TMC1: variants seen among roughly 807,000 people sequenced by gnomAD.
TMC1 encodes transmembrane channel-like protein 1.
TMC1 carries 84 observed loss-of-function variants against 105.8 expected under a neutral mutation model. The ratio of observed to expected loss-of-function variants is 0.79; its 90% CI spans 0.67 to 0.95. The LOEUF is 0.95. TMC1 is among the 40% of genes least tolerant of loss of function. TMC1 has a pLI of 0.00. For synonymous variants in TMC1, 315 were observed against 311.5 expected, an observed-to-expected ratio of 1.01 and a Z score of -0.12; for missense variants, 817 against 914.1, an observed-to-expected ratio of 0.89 and a Z score of 1.37.
At chr9:72,638,860 C>T (rs1356993968) in intron 4 of TMC1, among the ~76,000 whole-genome samples, 1 of 152,070 alleles carries the variant, frequency 6.6e-6, no homozygotes, top group Non-Finnish European at 1.5e-5. Flanking sequence ...CTCTTAATTC[C>T]TTCTCACTCC....
chr9:72,619,301 A>T (rs761125851), intron 3 of TMC1, among the ~76,000 whole-genome samples: 1 of 152,238 alleles, frequency 6.6e-6, no homozygotes, highest in Non-Finnish European at 1.5e-5. Flanking sequence ...AATATTAGAC[A>T]CAACTTAAAT....
At chr9:72,778,718 A>T (rs979843429) in intron 13 of TMC1, among the ~76,000 whole-genome samples, 1 of 152,222 alleles carries the variant, frequency 6.6e-6, no homozygotes, top group Admixed American at 6.5e-5. Context: ...GAATGAGGCC[A>T]TTCTGATCTG....
At chr9:72,628,225 G>A in intron 4 of TMC1, 162 bp downstream of exon 4, 2 of 338,622 alleles carry the variant, frequency 5.9e-6, no homozygotes, top group Non-Finnish European at 1.2e-5. Context: ...GCTGTCACTT[G>A]AAGGGAAAAC....
At chr9:72,803,379 A>C (rs1828512509) in intron 17 of TMC1, among the ~76,000 whole-genome samples, 1 of 152,214 alleles carries the variant, frequency 6.6e-6, no homozygotes, top group South Asian at 2.1e-4. Context: ...AAAATTGACA[A>C]ATGGGAACTA....
chr9:72,525,272 G>T (rs534021554), intron 1 of TMC1, among the ~76,000 whole-genome samples: 1 of 152,136 alleles, frequency 6.6e-6, no homozygotes, highest in Admixed American at 6.5e-5. Context: ...CCTATTCCTT[G>T]TAAGTAGGAC....
chr9:72,753,772 A>G (rs1298175532), intron 11 of TMC1, among the ~76,000 whole-genome samples: 4 of 152,178 alleles, frequency 2.6e-5, no homozygotes, highest in Admixed American at 2.0e-4. Flanking sequence ...CTCACTCAGT[A>G]TTCCTCCAAG....
At chr9:72,735,432 A>T (rs1305461268) in intron 8 of TMC1, among the ~76,000 whole-genome samples, 1 of 152,230 alleles carries the variant, frequency 6.6e-6, no homozygotes, top group East Asian at 1.9e-4. Flanking sequence ...TCATACATGT[A>T]AAGATGTTTT....
chr9:72,561,707 T>C (rs997026013), intron 1 of TMC1, among the ~76,000 whole-genome samples: 1 of 152,170 alleles, frequency 6.6e-6, no homozygotes, highest in Non-Finnish European at 1.5e-5. Flanking sequence ...TCAGCAGAGG[T>C]AGTGAGTTCA....
At chr9:72,810,748 A>G (rs899345994) in intron 18 of TMC1, among the ~76,000 whole-genome samples, 4 of 152,168 alleles carry the variant, frequency 2.6e-5, no homozygotes, top group Admixed American at 2.6e-4. Flanking sequence ...CTGTATGCAA[A>G]TGTAGTATAA....
chr9:72,679,302 T>A (rs192434495), intron 5 of TMC1, among the ~76,000 whole-genome samples: 1 of 152,208 alleles, frequency 6.6e-6, no homozygotes, highest in Admixed American at 6.6e-5. Context: ...AGACTTTCTT[T>A]TTCTCTAGAC....
chr9:72,627,216 G>C (rs1053581946), intron 3 of TMC1, among the ~76,000 whole-genome samples: 9 of 152,058 alleles, frequency 5.9e-5, no homozygotes, highest in African/African-American at 2.2e-4. Flanking sequence ...ATGCCTCTCT[G>C]CAGGAGGAAT....
intron 10 of TMC1, among the ~76,000 whole-genome samples, chr9:72,746,865 TA>T (rs1353425759): frequency 6.6e-6 from 1 of 152,166 alleles, no homozygotes; most frequent in Non-Finnish European, 1.5e-5. Flanking sequence ...ACGTCAGCCT[TA>T]AGGGGATCAT....
At chr9:72,535,626 T>C (rs79149351) in intron 1 of TMC1, among the ~76,000 whole-genome samples, 8 of 152,236 alleles carry the variant, frequency 5.3e-5, no homozygotes, top group East Asian at 3.9e-4. Flanking sequence ...TGTGTTCTAG[T>C]GTGTTTGTGT....
intron 1 of TMC1, among the ~76,000 whole-genome samples, chr9:72,538,581 T>A (rs1230619962): frequency 6.6e-6 from 1 of 151,988 alleles, no homozygotes; most frequent in Non-Finnish European, 1.5e-5. Flanking sequence ...GGATTACAGG[T>A]GTCCACCACC....
intron 17 of TMC1, 198 bp from the exon 18 acceptor site, chr9:72,805,184 G>A: frequency 2.2e-6 from 1 of 451,972 alleles, no homozygotes; most frequent in Non-Finnish European, 3.9e-6. Context: ...TTAGTAAACG[G>A]GAAATAATTA....
chr9:72,832,025 G>A (rs78628544), intron 23 of TMC1, among the ~76,000 whole-genome samples: 2,958 of 151,460 alleles, frequency 0.02, 84 homozygotes, highest in African/African-American at 0.063. Flanking sequence ...GTATGATCTC[G>A]GCTCACTGCA....
At chr9:72,788,995 A>T (rs1173904353) in intron 14 of TMC1, 128 bp from the exon 15 acceptor site, 1 of 910,976 alleles carries the variant, frequency 1.1e-6, no homozygotes, top group East Asian at 2.6e-5. Context: ...TCTCAGATTT[A>T]GTTTACATTG....
intron 5 of TMC1, among the ~76,000 whole-genome samples, chr9:72,653,492 A>G (rs1015543304): frequency 6.6e-6 from 1 of 152,188 alleles, no homozygotes; most frequent in African/African-American, 2.4e-5. Flanking sequence ...AATAAAAAGA[A>G]AAACTGTTGA....
chr9:72,793,161 T>C (rs1370750477), intron 17 of TMC1, among the ~76,000 whole-genome samples: 1 of 152,122 alleles, frequency 6.6e-6, no homozygotes. Context: ...GAGCCTTAGA[T>C]ACCTGGGCTT....
Sources: gnomAD v4.1 joint callset for allele counts (sites outside exome capture counted in the v4.1 genomes callset) on GRCh38, gnomAD v4.1.1 for gene constraint, MANE v1.5 for transcripts, NCBI Gene and HGNC (gene_info 2026-07-23, HGNC 2026-07-21) for gene names.